Variants in PAM16 observed in about 807,000 individuals in gnomAD.
The protein encoded by PAM16 is presequence translocase associated motor 16.
A neutral mutation model predicts 17.9 loss-of-function variants in PAM16; 11 were observed. The ratio of observed to expected loss-of-function variants is 0.62; its 90% CI spans 0.39 to 1.02. The LOEUF is 1.02. Among genes scored for constraint, PAM16 ranks in the 50% least tolerant of loss-of-function variants. The probability of loss-of-function intolerance (pLI) is 0.01; values close to 1 mark genes in which losing one functional copy is unlikely to be tolerated. For synonymous variants in PAM16, 72 were observed against 67.4 expected (o/e 1.07, Z -0.34); for missense variants, 199 against 165.4 (o/e 1.20, Z -1.11).
chr16:4,342,022 T>C (rs1197543124), intron 2 of PAM16, among the ~76,000 whole-genome samples: 1 of 152,182 alleles, frequency 6.6e-6, no homozygotes, highest in Non-Finnish European at 1.5e-5. Flanking sequence ...TGCGGGCTAA[T>C]GAGCCTACAC....
chr16:4,342,002 T>C lies in PAM16; in HGVS notation c.89-498A>G, dbSNP rs376660305. 9.8e-5 allele frequency among the ~76,000 whole-genome samples: 15 copies of C among 152,302 alleles called. No individual in the cohort carries two copies. In the South Asian group the frequency reaches 2.9e-3, roughly 29 times the overall value. On this transcript the variant is annotated intron_variant, in intron 2 of 4. Transcript: ENST00000318059. Reference sequence around the variant, plus strand: ...TTCCTAAAGGCTCAGAGAGTAGCTATTTTAGGCTTTGCGGGCTAATGAGCC... The same window carrying C: ...TTCCTAAAGGCTCAGAGAGTAGCTACTTTAGGCTTTGCGGGCTAATGAGCC...
In PAM16 at chr16:4,340,351, C is replaced by G. The variant is rs765211469; in HGVS notation, c.346G>C (p.Asp116His). ...DEELKIQAQE[D>H]REKGQMPHT ...TGGGGCATCTGCCCTTTTTCTCTGT[C>G]CTCCTGGGCCTGGATTTTGAGTTCC... The change falls in exon 5 of 5, where the codon GAC (aspartate) becomes CAC (histidine). Residue 116 changes from aspartate to histidine, a missense_variant. By Grantham distance (81) the Asp-to-His change is moderately conservative. Coordinates refer to ENST00000318059, the MANE Select transcript of PAM16 (RefSeq NM_016069.11). The G allele has an allele frequency of 6.2e-7, 1 of 1,612,988 alleles. No individual in the cohort carries two copies. Among genetic ancestry groups the G allele is most frequent in the Non-Finnish European group, 8.5e-7 (1 of 1,179,896 alleles).
rs767991152 is a variant in PAM16 at position 4,340,329 on chromosome 16, G to A, written c.368C>T (p.Pro123Leu). 11 of 1,612,632 alleles carry A rather than the reference G, an allele frequency of 6.8e-6. No individual in the cohort carries two copies. The highest frequency in any genetic ancestry group is 5.0e-5 in the Admixed American group (3 of 60,002). Residue 123 changes from proline (P) to leucine (L), a missense_variant, in exon 5 of 5, where the codon CCC (proline) becomes CTC (leucine). Transcript: ENST00000318059. ...AQEDREKGQM[P>L]HT is the part of the protein sequence containing the mutation. ...GGGGGAGCCGAGCAGTCACGTATGG[G>A]GCATCTGCCCTTTTTCTCTGTCCTC...
At chr16:4,345,611 G>A (rs554597809) in intron 1 of PAM16, 2 of 152,892 alleles carry the variant, frequency 1.3e-5, no homozygotes, top group East Asian at 3.9e-4. Flanking sequence ...TTAGGGGAAT[G>A]AACAAACAAG....
intron 1 of PAM16, among the ~76,000 whole-genome samples, chr16:4,350,631 G>T (rs1225562913): frequency 6.6e-6 from 1 of 152,034 alleles, no homozygotes; most frequent in East Asian, 1.9e-4. Context: ...TCGAACTCCT[G>T]ACCTCGTGAT....
At chr16:4,347,110 AAG>A in intron 1 of PAM16, 1 of 152,194 alleles carries the variant, frequency 6.6e-6, no homozygotes, top group East Asian at 1.9e-4. Context: ...TCCCAGCCTC[AAG>A]AGATTCTCCT....
chr16:4,345,549 A>G (rs1279743428), intron 1 of PAM16: 2 of 152,220 alleles, frequency 1.3e-5, no homozygotes, highest in African/African-American at 4.8e-5. Flanking sequence ...GGCCTTGTTC[A>G]GCCTCCGAGG....
In PAM16 at chr16:4,351,243, C is replaced by G. The variant is rs762877847; in HGVS notation, c.-9G>C. On this transcript the variant is annotated 5_prime_UTR_variant, in exon 1 of 5. Transcript: ENST00000318059. ...GACTCGGGGCTCACCATGGCAGCCG[C>G]TCTGCCTCCGGGGCTCAAACTCCGA... is the stretch of plus-strand genomic sequence containing the variant. The G allele has an allele frequency of 5.4e-6, 8 of 1,468,538 alleles. No homozygotes were observed. The South Asian group carries it at 1.1e-4, about 21-fold the overall frequency. The allele number at this position is 1,468,538 out of a possible 1,614,324, so 91.0% of individuals were successfully genotyped here.
At chr16:4,342,437 G>A (rs771162941) in intron 2 of PAM16, among the ~76,000 whole-genome samples, 4 of 151,768 alleles carry the variant, frequency 2.6e-5, no homozygotes, top group Admixed American at 6.6e-5. Flanking sequence ...GGCATATCAC[G>A]TGAGGTTGGG....
At chr16:4,351,016 C>A (rs1442594618) in intron 1 of PAM16, 1 of 324,882 alleles carries the variant, frequency 3.1e-6, no homozygotes. Flanking sequence ...TTTGCCCGGC[C>A]TCTTCCAGGC....
intron 1 of PAM16, chr16:4,348,430 T>G (rs1232055851): frequency 6.6e-6 from 1 of 152,658 alleles, no homozygotes; most frequent in Non-Finnish European, 1.5e-5. Context: ...TGGCCTCAAC[T>G]TCTCAACCTC....
intron 1 of PAM16, among the ~76,000 whole-genome samples, chr16:4,350,752 T>C (rs545613204): frequency 1.3e-5 from 2 of 152,280 alleles, no homozygotes; most frequent in Admixed American, 6.5e-5. Context: ...GGCGCAGGTC[T>C]GTTGACTGGC....
Position 4,341,442 on chromosome 16 carries a change from G to A in PAM16, c.151C>T (p.Leu51Phe). The change falls in exon 3 of 5, where the codon CTC (leucine) becomes TTC (phenylalanine). Residue 51 changes from leucine (L) to phenylalanine (F), a missense_variant. By Grantham distance (22) the Leu-to-Phe change is conservative. Coordinates refer to ENST00000318059, the MANE Select transcript of PAM16 (RefSeq NM_016069.11). ...AGHRSAAASN[L>F]SGLSLQEAQQ... ...GCCTCCTGGAGGCTGAGGCCGGAGA[G>A]GTTGGAAGCGGCTGCAGACCGGTGT... The A allele has an allele frequency of 6.2e-7, 1 of 1,609,062 alleles. No homozygotes were observed. The highest frequency in any genetic ancestry group is 2.2e-5 in the East Asian group (1 of 44,768).
chr16:4,346,398 G>A (rs1308131523), intron 1 of PAM16, among the ~76,000 whole-genome samples: 2 of 152,222 alleles, frequency 1.3e-5, no homozygotes, highest in Non-Finnish European at 2.9e-5. Flanking sequence ...ACAGCCTAAT[G>A]GTACAGCAGG....
intron 4 of PAM16, 135 bp from the exon 5 acceptor site, chr16:4,340,540 G>T: frequency 1.0e-6 from 1 of 985,482 alleles, no homozygotes. Context: ...GCTTCCTTCA[G>T]TGGCACCCCA....
chr16:4,341,086 C>A, intron 3 of PAM16, 101 bp from the exon 4 acceptor site: 1 of 1,453,168 alleles, frequency 6.9e-7, no homozygotes, highest in Non-Finnish European at 9.6e-7. Context: ...GGACTCCTCT[C>A]CACCCTGTGT....
At chr16:4,343,385 G>A in intron 1 of PAM16, 94 bp from the exon 2 acceptor site, 1 of 1,511,098 alleles carries the variant, frequency 6.6e-7, no homozygotes, top group South Asian at 1.2e-5. Context: ...AAGGCTCCCG[G>A]AGACCCGAGG....
At chr16:4,345,112 T>C (rs2053734853) in intron 1 of PAM16, among the ~76,000 whole-genome samples, 1 of 151,898 alleles carries the variant, frequency 6.6e-6, no homozygotes, top group South Asian at 2.1e-4. Context: ...AAGGATCTTG[T>C]GACTGCAAAG....
Position 4,341,494 on chromosome 16 carries a change from G to T in PAM16, c.99C>A (p.Ala33=), listed in dbSNP as rs775862073. The change falls in exon 3 of 5, where the codon GCC becomes GCA. Residue 33 remains alanine, a synonymous_variant. Transcript: ENST00000318059. ...ALRQEFAASR[A]AADARGRAGH... is the part of the protein sequence containing the mutation. ...CAGCGCGTCCTCGGGCATCAGCTGC[G>T]GCCCGGCTGGCTGTGTGGACATGTG... The T allele has an allele frequency of 6.2e-7, 1 of 1,608,454 alleles. No individual in the cohort carries two copies. Among genetic ancestry groups the T allele is most frequent in the Non-Finnish European group, 8.5e-7 (1 of 1,178,844 alleles).
Sources: allele counts gnomAD v4.1 joint callset (sites outside exome capture counted in the v4.1 genomes callset), GRCh38; gene constraint gnomAD v4.1.1; transcripts MANE v1.5; gene names NCBI Gene and HGNC (gene_info 2026-07-23, HGNC 2026-07-21).